USP43: variants seen among roughly 807,000 people sequenced by gnomAD.
USP43 encodes ubiquitin carboxyl-terminal hydrolase 43.
In USP43, 33 loss-of-function variants were observed where a neutral mutation model predicts 90.7. The observed-to-expected ratio is 0.36, with a 90% CI of 0.28 to 0.49. The LOEUF is 0.49. Among genes scored for constraint, USP43 ranks in the 20% least tolerant of loss-of-function variants. The pLI, the probability that USP43 is intolerant of heterozygous loss-of-function variation, is 0.98. For synonymous variants in USP43, 598 were observed against 615.8 expected (o/e 0.97, Z 0.43); for missense variants, 1,274 against 1,476.4 (o/e 0.86, Z 2.25).
intron 1 of USP43, 144 bp downstream of exon 1, chr17:9,646,280 G>A (rs1911392604): frequency 8.8e-7 from 1 of 1,133,598 alleles, no homozygotes; most frequent in Admixed American, 4.2e-5. Flanking sequence ...TTTGTTTTGA[G>A]TCGATGTGTT....
Position 9,645,665 on chromosome 17 carries a change from G to C in USP43, c.33G>C (p.Gly11=). ...TGGGCCCCGGGGACGCGGCAGGAGG[G>C]GGACCGCTCGCGCCCCGGCCCCGCC... The part of the protein sequence containing the change: MDLGPGDAAG[G]GPLAPRPRRR... Residue 11 remains glycine, a synonymous_variant, in exon 1 of 15, where the codon GGG becomes GGC. Transcript: ENST00000285199. The surrounding 1 kb of genome is among the most constrained non-coding windows in gnomAD (Gnocchi z 6.8). The C allele has an allele frequency of 1.6e-6, 2 of 1,270,632 alleles. No homozygotes were observed. The highest frequency in any genetic ancestry group is 2.0e-6 in the Non-Finnish European group (2 of 1,014,236). 78.7% of individuals were successfully genotyped at this position (1,270,632 alleles called of 1,614,324 possible).
chr17:9,711,190 A>C (rs1797049643), intron 13 of USP43, among the ~76,000 whole-genome samples: 1 of 152,162 alleles, frequency 6.6e-6, no homozygotes, highest in Non-Finnish European at 1.5e-5. Context: ...GGTTTCCCTA[A>C]ACTTGGGATA....
Position 9,729,183 on chromosome 17 carries a change from G to T in USP43, c.*193G>T, listed in dbSNP as rs992765737. ...CCCAAGGTCCATATAACCCAAGGTC[G>T]AAAACCTTCCTGCATCATTGGGTGC... On this transcript the variant is annotated 3_prime_UTR_variant, in exon 15 of 15. Transcript: ENST00000285199. The T allele has an allele frequency of 4.5e-6, 2 of 441,350 alleles. No homozygotes were observed. Among genetic ancestry groups the T allele is most frequent in the African/African-American group, 4.1e-5 (2 of 49,026 alleles). 27.3% of individuals were successfully genotyped at this position (441,350 alleles called of 1,614,324 possible). A position where few individuals can be genotyped will look rare whatever the true frequency, so the allele number is the denominator to read the frequency against.
chr17:9,650,769 G>A (rs978327666), intron 1 of USP43, among the ~76,000 whole-genome samples: 17 of 152,060 alleles, frequency 1.1e-4, no homozygotes, highest in African/African-American at 3.9e-4. Context: ...TGTATTAACT[G>A]TAATCACCAG....
intron 14 of USP43, among the ~76,000 whole-genome samples, chr17:9,716,483 A>G (rs1217955605): frequency 1.3e-5 from 2 of 152,196 alleles, no homozygotes; most frequent in African/African-American, 4.8e-5. Context: ...GCTTGGAGAT[A>G]CATAGTTCTC....
intron 13 of USP43, 118 bp from the exon 14 acceptor site, chr17:9,711,850 T>C (rs1204561512): frequency 9.2e-6 from 11 of 1,199,554 alleles, no homozygotes; most frequent in Non-Finnish European, 1.0e-5. Flanking sequence ...CTGTTCTGGT[T>C]CTGTAGTTCT....
At chr17:9,658,809 G>A (rs892611235) in intron 2 of USP43, among the ~76,000 whole-genome samples, 8 of 152,182 alleles carry the variant, frequency 5.3e-5, no homozygotes, top group Non-Finnish European at 8.8e-5. Flanking sequence ...CTCAGATCAC[G>A]TCAACAGGTC....
chr17:9,719,569 G>A (rs940568836), intron 14 of USP43, among the ~76,000 whole-genome samples: 2 of 152,212 alleles, frequency 1.3e-5, no homozygotes, highest in African/African-American at 4.8e-5. Context: ...CCCCTAGAAA[G>A]TGGTGGGGCT....
chr17:9,689,851 T>C (rs1914826155), intron 8 of USP43, among the ~76,000 whole-genome samples: 1 of 152,094 alleles, frequency 6.6e-6, no homozygotes, highest in South Asian at 2.1e-4. Flanking sequence ...ACAACAAGGC[T>C]CCATTAGGGG....
At chr17:9,700,128 G>A (rs758196565) in intron 9 of USP43, 44 bp from the exon 10 acceptor site, 18 of 1,535,586 alleles carry the variant, frequency 1.2e-5, no homozygotes, top group Non-Finnish European at 8.9e-6. Context: ...GCTGTGGGAA[G>A]GAGGCCCCGT....
intron 10 of USP43, among the ~76,000 whole-genome samples, chr17:9,700,903 G>C (rs1915525863): frequency 6.6e-6 from 1 of 152,216 alleles, no homozygotes; most frequent in African/African-American, 2.4e-5. Context: ...ATAAGCCAAG[G>C]ACCTGCCCTG....
chr17:9,724,628 C>T (rs111736376), intron 14 of USP43, among the ~76,000 whole-genome samples: 30 of 151,840 alleles, frequency 2.0e-4, no homozygotes, highest in Admixed American at 4.6e-4. Flanking sequence ...TGCAGTGAGC[C>T]GAGATCACAC....
At chr17:9,707,879 G>A (rs928104868) in intron 12 of USP43, among the ~76,000 whole-genome samples, 8 of 152,096 alleles carry the variant, frequency 5.3e-5, no homozygotes, top group African/African-American at 1.9e-4. Flanking sequence ...TACAAGGCCT[G>A]CCCTCATGGG....
chr17:9,710,395 A>G (rs1160439689), intron 13 of USP43, among the ~76,000 whole-genome samples: 5 of 151,786 alleles, frequency 3.3e-5, no homozygotes, highest in Non-Finnish European at 7.4e-5. Flanking sequence ...AGTCTCACTC[A>G]TATCACAGCA....
intron 12 of USP43, among the ~76,000 whole-genome samples, chr17:9,705,134 T>C (rs1040304023): frequency 6.6e-6 from 1 of 152,170 alleles, no homozygotes; most frequent in Non-Finnish European, 1.5e-5. Context: ...TAACCATTTT[T>C]AGTAGTTTCT....
chr17:9,690,511 A>T (rs1179776033), intron 8 of USP43, among the ~76,000 whole-genome samples: 1 of 152,218 alleles, frequency 6.6e-6, no homozygotes, highest in Non-Finnish European at 1.5e-5. Flanking sequence ...ACTACTATGT[A>T]TACTCCCGAT....
intron 2 of USP43, among the ~76,000 whole-genome samples, chr17:9,663,536 G>T (rs1209521561): frequency 6.6e-6 from 1 of 152,142 alleles, no homozygotes; most frequent in Non-Finnish European, 1.5e-5. Context: ...GACCTCAGGT[G>T]ATCCACCCGC....
chr17:9,700,348 G>A, intron 10 of USP43, 99 bp downstream of exon 10: 2 of 1,164,962 alleles, frequency 1.7e-6, no homozygotes, highest in South Asian at 2.9e-5. Context: ...CTGCAGGCAG[G>A]GTGCACACAT....
At position 9,712,118 on chromosome 17, in the gene USP43, G is replaced by T. The variant is rs2151995363; in HGVS notation, c.2321G>T (p.Cys774Phe). Residue 774 changes from cysteine to phenylalanine, a missense_variant, in exon 14 of 15, where the codon TGC becomes TTC. Cys to Phe is a radical substitution (Grantham distance 205). This residue lies in a region of USP43 where 285 missense variants were observed against 349.6 expected (regional missense o/e 0.82). Coordinates refer to ENST00000285199, the MANE Select transcript of USP43 (RefSeq NM_153210.5). Reference sequence around the variant, plus strand: ...TCTCCCATCTTCACCAACAGCCTCTGCAATCAGGAAAAGGGTATGTTGGTT... The same window carrying T: ...TCTCCCATCTTCACCAACAGCCTCTTCAATCAGGAAAAGGGTATGTTGGTT... ...PDSPIFTNSL[C>F]NQEKGGLEPR... The T allele has an allele frequency of 3.1e-6, 5 of 1,592,780 alleles. No individual in the cohort carries two copies. The East Asian group carries it at 9.1e-5, about 29-fold the overall frequency.
Sources: gnomAD v4.1 joint callset for allele counts (sites outside exome capture counted in the v4.1 genomes callset) on GRCh38, gnomAD v4.1.1 for gene constraint, gnomAD v4.1.1 regional missense constraint, Gnocchi (gnomAD v3.1) non-coding constraint, MANE v1.5 for transcripts, NCBI Gene and HGNC (gene_info 2026-07-23, HGNC 2026-07-21) for gene names.